TNFSF18: variants seen among roughly 807,000 people sequenced by gnomAD.
TNFSF18 encodes tumor necrosis factor ligand superfamily member 18.
In TNFSF18, 6 loss-of-function variants were observed where a neutral mutation model predicts 9.6. The ratio of observed to expected loss-of-function variants is 0.63; its 90% CI spans 0.34 to 1.24. The LOEUF is 1.24. TNFSF18 is among the 50% of genes most tolerant of loss of function. The pLI is 0.03. For missense variants in TNFSF18, 210 were observed against 201.0 expected (o/e 1.04, Z -0.27); for synonymous variants, 68 against 71.7 (o/e 0.95, Z 0.26).
chr1:173,050,935 A>G lies in TNFSF18; in HGVS notation c.-39T>C, dbSNP rs373187850. ...AGAGCTGTGGAAAACAAAAATTCAC[A>G]AGTGATGGGTGAAGGATGCAATGTC... On this transcript the variant is annotated 5_prime_UTR_variant, in exon 1 of 3. Transcript: ENST00000404377. The G allele has an allele frequency of 6.2e-7, 1 of 1,613,528 alleles. No homozygotes were observed. Among genetic ancestry groups the G allele is most frequent in the Non-Finnish European group, 8.5e-7 (1 of 1,179,746 alleles).
intron 2 of TNFSF18, 59 bp downstream of exon 2, chr1:173,043,880 C>T (rs1156545133): frequency 7.0e-7 from 1 of 1,424,112 alleles, no homozygotes; most frequent in African/African-American, 1.4e-5. Context: ...ATCACTGACA[C>T]CTGCCTTCTT....
chr1:173,039,432 A>G lies in TNFSF18; in HGVS notation c.*1935T>C, dbSNP rs1664955799. 6.6e-6 allele frequency among the ~76,000 whole-genome samples: 1 copy of G among 152,064 alleles called. No individual in the cohort carries two copies. Among genetic ancestry groups the G allele is most frequent in the Non-Finnish European group, 1.5e-5 (1 of 68,012 alleles). On this transcript the variant is annotated 3_prime_UTR_variant, in exon 3 of 3. Coordinates refer to ENST00000404377, the MANE Select transcript of TNFSF18 (RefSeq NM_005092.4). ...TCATTTTCTCCCTTAGTCTGCTATG[A>G]TTATCCCAGGAATGAAGCGGGGGCA...
In TNFSF18 at chr1:173,044,724, A is replaced by G. The variant is rs140843933; in HGVS notation, c.157-755T>C. 1.7e-3 allele frequency among the ~76,000 whole-genome samples: 255 copies of G among 152,370 alleles called. 2 individuals carry two copies. The highest frequency in any genetic ancestry group is 4.2e-3 in the Admixed American group (65 of 15,296). On this transcript the variant is annotated intron_variant, in intron 1 of 2. Transcript: ENST00000404377. ...CTTTTTGAACTTAAACGTGTTGCACACTTTCCTTTTGTAGGATTTCTCTGG... is the reference window on the plus strand; with the variant it reads ...CTTTTTGAACTTAAACGTGTTGCACGCTTTCCTTTTGTAGGATTTCTCTGG...
chr1:173,047,658 A>G (rs1665105865), intron 1 of TNFSF18, among the ~76,000 whole-genome samples: 1 of 152,228 alleles, frequency 6.6e-6, no homozygotes, highest in Non-Finnish European at 1.5e-5. Flanking sequence ...TAGTATCTGC[A>G]CCATCTACTA....
At position 173,040,497 on chromosome 1, in the gene TNFSF18, C is replaced by T. The variant is rs1011435754; in HGVS notation, c.*870G>A. On this transcript the variant is annotated 3_prime_UTR_variant, in exon 3 of 3. Coordinates refer to ENST00000404377, the MANE Select transcript of TNFSF18 (RefSeq NM_005092.4). ...CTAAAATTTTCCCCCAAATGCCTGCCCAATTAACTTCATAGAATTGCTAAC... is the reference window on the plus strand; with the variant it reads ...CTAAAATTTTCCCCCAAATGCCTGCTCAATTAACTTCATAGAATTGCTAAC... The T allele has an allele frequency of 6.6e-6, 1 of 152,086 alleles. No individual in the cohort carries two copies. Among genetic ancestry groups the T allele is most frequent in the Non-Finnish European group, 1.5e-5 (1 of 68,006 alleles). 9.4% of individuals were successfully genotyped at this position (152,086 alleles called of 1,614,324 possible).
chr1:173,039,667 A>T lies in TNFSF18; in HGVS notation c.*1700T>A, dbSNP rs965720596. On this transcript the variant is annotated 3_prime_UTR_variant, in exon 3 of 3. Coordinates refer to ENST00000404377, the MANE Select transcript of TNFSF18 (RefSeq NM_005092.4). The stretch of plus-strand genomic sequence containing the variant: ...CTAGCACCAGCCCACTCCAGCACAC[A>T]TTGCTTATAACACAACAAAGATCAA... Among the ~76,000 whole-genome samples the T allele has an allele frequency of 2.0e-5, 3 of 152,060 alleles. No individual in the cohort carries two copies. Among genetic ancestry groups the T allele is most frequent in the Non-Finnish European group, 4.4e-5 (3 of 68,008 alleles).
At chr1:173,045,453 A>G (rs958803817) in intron 1 of TNFSF18, among the ~76,000 whole-genome samples, 6 of 152,226 alleles carry the variant, frequency 3.9e-5, no homozygotes, top group African/African-American at 1.4e-4. Flanking sequence ...TAGATTGAGC[A>G]ACATGGTAGT....
At chr1:173,041,822 C>T in intron 2 of TNFSF18, 109 bp from the exon 3 acceptor site, 1 of 872,602 alleles carries the variant, frequency 1.1e-6, no homozygotes, top group Non-Finnish European at 1.6e-6. Context: ...GTTTCTTTAC[C>T]TGATCTACAC....
chr1:173,046,607 A>T (rs546523737), intron 1 of TNFSF18, among the ~76,000 whole-genome samples: 1 of 152,280 alleles, frequency 6.6e-6, no homozygotes, highest in African/African-American at 2.4e-5. Context: ...TGACATATTA[A>T]TGATTATAGA....
At position 173,047,818 on chromosome 1, in the gene TNFSF18, A is replaced by G. The variant is rs138945449; in HGVS notation, c.156+2923T>C. Among the ~76,000 whole-genome samples the G allele has an allele frequency of 2.6e-3, 403 of 152,232 alleles. 3 individuals carry two copies. Among genetic ancestry groups the G allele is most frequent in the Admixed American group, 4.6e-3 (71 of 15,280 alleles). On this transcript the variant is annotated intron_variant, in intron 1 of 2. Transcript: ENST00000404377. ...ACCATCACTGTGATACTCTCTAATT[A>G]TTGCCACCACTAAAAATCCATCTAA...
At position 173,041,318 on chromosome 1, in the gene TNFSF18, C is replaced by G; in HGVS notation, c.*49G>C. 1 of 1,420,352 alleles carries G rather than the reference C, an allele frequency of 7.0e-7. No individual in the cohort carries two copies. Among genetic ancestry groups the G allele is most frequent in the Middle Eastern group, 1.9e-4 (1 of 5,394 alleles). The allele number at this position is 1,420,352 out of a possible 1,614,324, so 88.0% of individuals were successfully genotyped here. On this transcript the variant is annotated 3_prime_UTR_variant, in exon 3 of 3. Coordinates refer to ENST00000404377, the MANE Select transcript of TNFSF18 (RefSeq NM_005092.4). Reference sequence around the variant, plus strand: ...ATATCTTCTCCCTCCAATCCACCCACTGGCACCTCTACATGTGCTGAAGGG... The same window carrying G: ...ATATCTTCTCCCTCCAATCCACCCAGTGGCACCTCTACATGTGCTGAAGGG...
rs562779540 is a variant in TNFSF18 at position 173,039,739 on chromosome 1, T to TACAC, written c.*1624_*1627dup. 8.3e-4 allele frequency among the ~76,000 whole-genome samples: 122 copies of TACAC among 146,528 alleles called. 1 individual carries two copies. The highest frequency in any genetic ancestry group is 1.6e-3 in the East Asian group (8 of 5,008). ...ATACATATATATACACACACACATA[T>TACAC]ACACACACACACACACACACACACA... On this transcript the variant is annotated 3_prime_UTR_variant, in exon 3 of 3. Transcript: ENST00000404377.
intron 1 of TNFSF18, among the ~76,000 whole-genome samples, chr1:173,044,570 A>AATTTTACAACCAC (rs543883293): frequency 3.2e-4 from 49 of 152,324 alleles, no homozygotes; most frequent in Non-Finnish European, 5.9e-4. Context: ...GTGTGTGGTT[A>AATTTTACAACCAC]ATTTTACAAA....
intron 2 of TNFSF18, 81 bp downstream of exon 2, chr1:173,043,858 G>A: frequency 8.1e-7 from 1 of 1,230,466 alleles, no homozygotes; most frequent in Non-Finnish European, 1.2e-6. Flanking sequence ...AGAAAATACA[G>A]GTTTTCTTGA....
rs1664947565 is a variant in TNFSF18, at chr1:173,039,237, G to T, written c.*2130C>A. The stretch of plus-strand genomic sequence containing the variant: ...GCATGTTTTATTATAGATTTAAAAT[G>T]CAGACTACTATGTGGAGAAACAGGA... On this transcript the variant is annotated 3_prime_UTR_variant, in exon 3 of 3. Transcript: ENST00000404377. 6.6e-6 allele frequency among the ~76,000 whole-genome samples: 1 copy of T among 152,098 alleles called. No homozygotes were observed. The highest frequency in any genetic ancestry group is 2.4e-5 in the African/African-American group (1 of 41,402).
At chr1:173,048,268 A>G (rs1231056363) in intron 1 of TNFSF18, among the ~76,000 whole-genome samples, 4 of 152,180 alleles carry the variant, frequency 2.6e-5, no homozygotes, top group Non-Finnish European at 5.9e-5. Flanking sequence ...ACTTTTAAAG[A>G]CACATATGGG....
In TNFSF18 at chr1:173,039,764, A is replaced by G. The variant is rs1664961094; in HGVS notation, c.*1603T>C. 6.6e-6 allele frequency among the ~76,000 whole-genome samples: 1 copy of G among 151,670 alleles called. No individual in the cohort carries two copies. Among genetic ancestry groups the G allele is most frequent in the South Asian group, 2.1e-4 (1 of 4,806 alleles). ...TACACACACACACACACACACACAC[A>G]CATATGTATGACACACTTTAATTTC... On this transcript the variant is annotated 3_prime_UTR_variant, in exon 3 of 3. Coordinates refer to ENST00000404377, the MANE Select transcript of TNFSF18 (RefSeq NM_005092.4).
chr1:173,041,335 G>C lies in TNFSF18; in HGVS notation c.*32C>G. Reference sequence around the variant, plus strand: ...TCCACCCACTGGCACCTCTACATGTGCTGAAGGGAATGAGGAGATCAAATC... The same window carrying C: ...TCCACCCACTGGCACCTCTACATGTCCTGAAGGGAATGAGGAGATCAAATC... On this transcript the variant is annotated 3_prime_UTR_variant, in exon 3 of 3. Transcript: ENST00000404377. 6.6e-7 allele frequency: 1 copy of C among 1,518,562 alleles called. No individual in the cohort carries two copies. Among genetic ancestry groups the C allele is most frequent in the Non-Finnish European group, 9.0e-7 (1 of 1,115,700 alleles). The allele number at this position is 1,518,562 out of a possible 1,614,324, so 94.1% of individuals were successfully genotyped here. A position where few individuals can be genotyped will look rare whatever the true frequency, so the allele number is the denominator to read the frequency against.
At chr1:173,044,778 G>C (rs1375688464) in intron 1 of TNFSF18, among the ~76,000 whole-genome samples, 4 of 152,152 alleles carry the variant, frequency 2.6e-5, no homozygotes, top group Admixed American at 2.0e-4. Context: ...ATTAAACAGA[G>C]GCAAGGGCAA....
Sources: gnomAD v4.1 joint callset for allele counts (sites outside exome capture counted in the v4.1 genomes callset) on GRCh38, gnomAD v4.1.1 for gene constraint, MANE v1.5 for transcripts, NCBI Gene and HGNC (gene_info 2026-07-23, HGNC 2026-07-21) for gene names.